The following FGGY variants were observed in gnomAD, a reference collection of about 807,000 sequenced individuals.
FGGY encodes FGGY carbohydrate kinase domain containing.
A neutral mutation model predicts 71.3 loss-of-function variants in FGGY; 72 were observed. The ratio of observed to expected loss-of-function variants is 1.01; its 90% CI spans 0.84 to 1.23. FGGY has a LOEUF of 1.23. Ranked by LOEUF, FGGY falls within the 50% of genes most tolerant of loss-of-function variation. The pLI, the probability that FGGY is intolerant of heterozygous loss-of-function variation, is 0.00. For missense variants in FGGY, 668 were observed against 682.3 expected, an observed-to-expected ratio of 0.98 and a Z score of 0.23; for synonymous variants, 251 against 250.3, an observed-to-expected ratio of 1.00 and a Z score of -0.02.
chr1:59,523,756 A>G (rs1462064974), intron 7 of FGGY, among the ~76,000 whole-genome samples: 3 of 152,228 alleles, frequency 2.0e-5, no homozygotes, highest in Non-Finnish European at 2.9e-5. Context: ...GAAGATGGTA[A>G]AAATTTAAAT....
intron 10 of FGGY, among the ~76,000 whole-genome samples, chr1:59,636,750 T>A (rs911520297): frequency 6.6e-6 from 1 of 152,248 alleles, no homozygotes; most frequent in African/African-American, 2.4e-5. Context: ...CAGGAAACTT[T>A]TGGCAACTTC....
At chr1:59,648,854 G>T (rs1393815810) in intron 11 of FGGY, among the ~76,000 whole-genome samples, 4 of 152,244 alleles carry the variant, frequency 2.6e-5, no homozygotes, top group African/African-American at 7.2e-5. Flanking sequence ...TCATGCCTAG[G>T]TTTTCTTCTA....
chr1:59,598,386 T>A (rs2096543975), intron 8 of FGGY, among the ~76,000 whole-genome samples: 1 of 152,226 alleles, frequency 6.6e-6, no homozygotes. Flanking sequence ...ACATATGGAT[T>A]AAATTTTATC....
intron 4 of FGGY, among the ~76,000 whole-genome samples, chr1:59,369,969 C>T (rs2057308630): frequency 6.6e-6 from 1 of 152,124 alleles, no homozygotes. Flanking sequence ...GGGGAAAAAA[C>T]AGAGCAGAAA....
intron 6 of FGGY, among the ~76,000 whole-genome samples, chr1:59,474,553 A>C (rs2093164918): frequency 1.3e-5 from 2 of 152,212 alleles, no homozygotes; most frequent in African/African-American, 4.8e-5. Flanking sequence ...GAGGACATTT[A>C]GCCAATCTGG....
chr1:59,647,510 T>A (rs55889022), intron 11 of FGGY, among the ~76,000 whole-genome samples: 5,930 of 152,232 alleles, frequency 0.039, 191 homozygotes, highest in African/African-American at 0.089. Context: ...TCTAGGTTGG[T>A]TCTACTGGTT....
intron 11 of FGGY, among the ~76,000 whole-genome samples, chr1:59,657,502 C>T (rs2097231093): frequency 6.6e-6 from 1 of 152,132 alleles, no homozygotes; most frequent in African/African-American, 2.4e-5. Flanking sequence ...GTGATCATTG[C>T]CAGGACCACC....
At chr1:59,396,246 A>G (rs2061310316) in intron 5 of FGGY, among the ~76,000 whole-genome samples, 1 of 152,152 alleles carries the variant, frequency 6.6e-6, no homozygotes, top group South Asian at 2.1e-4. Flanking sequence ...TTAAGAAGTC[A>G]TAATTTTGGG....
At chr1:59,371,027 T>A (rs1432920459) in intron 4 of FGGY, among the ~76,000 whole-genome samples, 1 of 151,484 alleles carries the variant, frequency 6.6e-6, no homozygotes, top group Non-Finnish European at 1.5e-5. Flanking sequence ...GCTAACATCA[T>A]AATGACAGGA....
chr1:59,638,232 C>G lies in FGGY; in HGVS notation c.1078C>G (p.Gln360Glu). 1 of 1,612,752 alleles carries G rather than the reference C, an allele frequency of 6.2e-7. No homozygotes were observed. Among genetic ancestry groups the G allele is most frequent in the Admixed American group, 1.7e-5 (1 of 59,818 alleles). ...ELQVKATARC[Q>E]SIYAYLNSHL... The stretch of plus-strand genomic sequence containing the variant: ...TAAAATTCACTTCTCTTCCAGATGC[C>G]AGAGTATATATGCATATTTGAACAG... Residue 360 changes from glutamine to glutamate, a missense_variant, in exon 11 of 16, where the codon CAG becomes GAG. Gln to Glu is a conservative substitution (Grantham distance 29, BLOSUM62 2). This residue lies in a region of FGGY where 661 missense variants were observed against 661.6 expected (regional missense o/e 1.00). Transcript: ENST00000303721.
chr1:59,467,286 G>T (rs555834448), intron 6 of FGGY, among the ~76,000 whole-genome samples: 1 of 152,150 alleles, frequency 6.6e-6, no homozygotes, highest in African/African-American at 2.4e-5. Context: ...TCACTCATAG[G>T]TGGGAATTGA....
intron 7 of FGGY, among the ~76,000 whole-genome samples, chr1:59,524,988 G>A (rs1361013907): frequency 1.3e-5 from 2 of 152,228 alleles, no homozygotes; most frequent in Non-Finnish European, 2.9e-5. Flanking sequence ...CCAGACCTAG[G>A]GGCTCCCCAA....
rs770379686 is a variant in FGGY at position 59,498,388 on chromosome 1, A to G, written c.671-13923A>G. On this transcript the variant is annotated intron_variant, in intron 6 of 15. Coordinates refer to ENST00000303721, the MANE Select transcript of FGGY (RefSeq NM_018291.5). The stretch of plus-strand genomic sequence containing the variant: ...TTTATTTTCTTTGGATTCTGTGCCT[A>G]TTTCTGCTTATGTCTCCGGATTACC... Among the ~76,000 whole-genome samples, 37 of 152,062 alleles carry G rather than the reference A, an allele frequency of 2.4e-4. 1 individual carries two copies. The highest frequency in any genetic ancestry group is 1.0e-4 in the Non-Finnish European group (7 of 68,010).
chr1:59,520,928 C>G (rs571820917), intron 7 of FGGY, among the ~76,000 whole-genome samples: 1 of 151,330 alleles, frequency 6.6e-6, no homozygotes, highest in South Asian at 2.1e-4. Context: ...CCGTGCTGCG[C>G]AGGAGCCAGG....
intron 6 of FGGY, among the ~76,000 whole-genome samples, chr1:59,486,762 G>A (rs1284033365): frequency 1.3e-5 from 2 of 152,150 alleles, no homozygotes; most frequent in Non-Finnish European, 2.9e-5. Context: ...ACTGTGTGGT[G>A]AAATCCCATC....
rs12740227 is a variant in FGGY at position 59,490,974 on chromosome 1, G to A, written c.671-21337G>A. On this transcript the variant is annotated intron_variant, in intron 6 of 15. Transcript: ENST00000303721. ...GAAGTCTGAAAATGTGATGCCTCCA[G>A]CCTGCTTGCTTGCTTGCTTGCTTCC... 1.8e-5 allele frequency among the ~76,000 whole-genome samples: 2 copies of A among 108,634 alleles called. 1 individual carries two copies. Among genetic ancestry groups the A allele is most frequent in the African/African-American group, 8.2e-5 (2 of 24,310 alleles). 71.3% of individuals were successfully genotyped at this position (108,634 alleles called of 152,430 possible).
intron 9 of FGGY, among the ~76,000 whole-genome samples, chr1:59,615,375 A>G (rs953884011): frequency 7.2e-5 from 11 of 152,122 alleles, no homozygotes; most frequent in African/African-American, 2.4e-4. Flanking sequence ...TTTTTGACAA[A>G]TCTGACAAAA....
At chr1:59,459,863 A>C (rs972524796) in intron 6 of FGGY, among the ~76,000 whole-genome samples, 1 of 152,230 alleles carries the variant, frequency 6.6e-6, no homozygotes, top group Admixed American at 6.5e-5. Flanking sequence ...TCGTGTGTGC[A>C]ACATGGCTGA....
At chr1:59,497,720 C>G (rs2094086386) in intron 6 of FGGY, among the ~76,000 whole-genome samples, 1 of 152,204 alleles carries the variant, frequency 6.6e-6, no homozygotes, top group African/African-American at 2.4e-5. Context: ...TGACTCTCAC[C>G]TGTCTCCTTT....
Sources: allele counts gnomAD v4.1 joint callset (sites outside exome capture counted in the v4.1 genomes callset), GRCh38; gene constraint gnomAD v4.1.1; regional missense constraint gnomAD v4.1.1; transcripts MANE v1.5; gene names NCBI Gene and HGNC (gene_info 2026-07-23, HGNC 2026-07-21).